Variants in USP25 observed in about 807,000 individuals in gnomAD.
The protein encoded by USP25 is ubiquitin carboxyl-terminal hydrolase 25.
Under a neutral mutation model 158.5 loss-of-function variants are expected in USP25, and 85 were observed. The observed-to-expected ratio is 0.54, with a 90% confidence interval of 0.45 to 0.64. The LOEUF is 0.64. Ranked by LOEUF, USP25 falls within the 30% of genes least tolerant of loss-of-function variation. The probability of loss-of-function intolerance (pLI) is 0.00; values close to 1 mark genes in which losing one functional copy is unlikely to be tolerated. For missense variants in USP25, 1,242 were observed against 1,327.3 expected (o/e 0.94, Z 1.00); for synonymous variants, 464 against 460.4 (o/e 1.01, Z -0.10).
At chr21:15,733,148 C>G (rs1050727569) in intron 1 of USP25, among the ~76,000 whole-genome samples, 2 of 52,472 alleles carry the variant, frequency 3.8e-5, no homozygotes, top group South Asian at 1.1e-3. Flanking sequence ...CCCCCCCCCC[C>G]AATCTATCTA....
rs536945169 is a variant in USP25, at chr21:15,802,098, T to C, written c.642+2255T>C. ...GACTGATGGCAAAGCATATTAAATG[T>C]TGAGAAAACAAAGATGCACATGTAT... On this transcript the variant is annotated intron_variant, in intron 6 of 25. Transcript: ENST00000400183. Among the ~76,000 whole-genome samples, 13 of 151,704 alleles carry C rather than the reference T, an allele frequency of 8.6e-5. No individual in the cohort carries two copies. In the South Asian group the frequency reaches 2.7e-3, roughly 32 times the overall value.
intron 1 of USP25, among the ~76,000 whole-genome samples, chr21:15,743,130 C>T (rs1258640181): frequency 6.6e-6 from 1 of 152,188 alleles, no homozygotes; most frequent in African/African-American, 2.4e-5. Context: ...ATTCCTGCTG[C>T]GCATGGCTTT....
chr21:15,747,529 T>G (rs1328865280), intron 1 of USP25, among the ~76,000 whole-genome samples: 1 of 152,100 alleles, frequency 6.6e-6, no homozygotes, highest in African/African-American at 2.4e-5. Context: ...AAGTTTAATT[T>G]ATAAATTAGG....
At chr21:15,836,479 A>AT (rs1268091773) in intron 17 of USP25, among the ~76,000 whole-genome samples, 3 of 152,240 alleles carry the variant, frequency 2.0e-5, no homozygotes, top group East Asian at 3.9e-4. Context: ...TTTTGTTGAG[A>AT]TTTTCAGCCA....
At chr21:15,877,076 C>T (rs923773464) in intron 24 of USP25, 1 of 152,054 alleles carries the variant, frequency 6.6e-6, no homozygotes, top group African/African-American at 2.4e-5. Context: ...GAAACATAGC[C>T]ATGCACATTC....
chr21:15,749,248 T>C (rs377075665), intron 1 of USP25, among the ~76,000 whole-genome samples: 4 of 152,250 alleles, frequency 2.6e-5, no homozygotes, highest in East Asian at 1.9e-4. Flanking sequence ...TGACATACTA[T>C]GCAGCGTGAT....
rs1241768260 is a variant in USP25 at position 15,745,330 on chromosome 21, G to A, written c.45+14892G>A. ...TTTGGTTGTCTTTTATCATGTATAT[G>A]TAATTACAAATACTTTCTCCCAATG... On this transcript the variant is annotated intron_variant, in intron 1 of 25. Coordinates refer to ENST00000400183, the MANE Select transcript of USP25 (RefSeq NM_001283041.3). Among the ~76,000 whole-genome samples, 6 of 152,248 alleles carry A rather than the reference G, an allele frequency of 3.9e-5. No homozygotes were observed. The East Asian group carries it at 1.2e-3, about 29-fold the overall frequency.
chr21:15,743,245 A>T (rs1365085200), intron 1 of USP25, among the ~76,000 whole-genome samples: 1 of 152,192 alleles, frequency 6.6e-6, no homozygotes, highest in African/African-American at 2.4e-5. Flanking sequence ...GGGAGTGTGT[A>T]ACAGCTCTTT....
chr21:15,816,112 G>T lies in USP25; in HGVS notation c.932-2586G>T, dbSNP rs908616805. ...CCCACATGTTGTGGGAGGGACCCAG[G>T]CGGAGGTAACTGAATCATGGTGGGG... On this transcript the variant is annotated intron_variant, in intron 9 of 25. Coordinates refer to ENST00000400183, the MANE Select transcript of USP25 (RefSeq NM_001283041.3). The surrounding 1 kb of genome is among the most constrained non-coding windows in gnomAD (Gnocchi z 4.0). Among the ~76,000 whole-genome samples, 1 of 152,154 alleles carries T rather than the reference G, an allele frequency of 6.6e-6. No individual in the cohort carries two copies. The highest frequency in any genetic ancestry group is 2.4e-5 in the African/African-American group (1 of 41,434).
chr21:15,830,596 A>T lies in USP25; in HGVS notation c.1759A>T (p.Ile587Leu), dbSNP rs1383783681. 6.3e-7 allele frequency: 1 copy of T among 1,590,438 alleles called. No individual in the cohort carries two copies. Among genetic ancestry groups the T allele is most frequent in the South Asian group, 1.2e-5 (1 of 85,458 alleles). ...IELMYSDKSMIQVPYRLHAVL... is the reference protein window; with the variant it reads ...IELMYSDKSMLQVPYRLHAVL... Reference sequence around the variant, plus strand: ...ATTAATGTACTCTGACAAATCTATGATACAAGTAAGTGAAATTTTGAGCTA... The same window carrying T: ...ATTAATGTACTCTGACAAATCTATGTTACAAGTAAGTGAAATTTTGAGCTA... Residue 587 changes from isoleucine to leucine, a missense_variant, in exon 15 of 26, where the codon ATA becomes TTA. By Grantham distance (5) the Ile-to-Leu change is conservative. Coordinates refer to ENST00000400183, the MANE Select transcript of USP25 (RefSeq NM_001283041.3).
chr21:15,853,658 T>G (rs1363229096), intron 20 of USP25, among the ~76,000 whole-genome samples: 1 of 152,246 alleles, frequency 6.6e-6, no homozygotes, highest in Non-Finnish European at 1.5e-5. Flanking sequence ...GCTTACTGTT[T>G]AACTCATTAG....
chr21:15,784,840 G>T (rs370802823), intron 4 of USP25, among the ~76,000 whole-genome samples: 1 of 151,736 alleles, frequency 6.6e-6, no homozygotes, highest in South Asian at 2.1e-4. Flanking sequence ...AAGAGGGAAA[G>T]AATCAAACGA....
At chr21:15,767,408 A>G (rs1464627438) in intron 3 of USP25, among the ~76,000 whole-genome samples, 1 of 152,126 alleles carries the variant, frequency 6.6e-6, no homozygotes, top group Admixed American at 6.6e-5. Flanking sequence ...GTGTTTCTCC[A>G]GCATCCAGGG....
chr21:15,793,035 AG>A (rs1167553111), intron 5 of USP25, among the ~76,000 whole-genome samples: 8 of 151,636 alleles, frequency 5.3e-5, no homozygotes, highest in Non-Finnish European at 1.2e-4. Flanking sequence ...TCTATTAAGA[AG>A]GTTTGTGCAT....
At position 15,846,149 on chromosome 21, in the gene USP25, TATATA is replaced by T. The variant is rs1419651199; in HGVS notation, c.2338-1513_2338-1509del. On this transcript the variant is annotated intron_variant, in intron 18 of 25. Coordinates refer to ENST00000400183, the MANE Select transcript of USP25 (RefSeq NM_001283041.3). ...ATATATATATATATATATATATATA[TATATA>T]TATATTTTTTTTTTTTTTTTTTTTT... Among the ~76,000 whole-genome samples the T allele has an allele frequency of 1.7e-3, 120 of 69,778 alleles. 5 individuals are homozygous for T. The highest frequency in any genetic ancestry group is 0.011 in the African/African-American group (114 of 10,482). The allele number at this position is 69,778 out of a possible 152,430, so 45.8% of individuals were successfully genotyped here.
intron 5 of USP25, among the ~76,000 whole-genome samples, chr21:15,795,395 CATGTTTGTTATGGTCTTAATA>C (rs1424314236): frequency 1.3e-5 from 2 of 151,632 alleles, no homozygotes; most frequent in Admixed American, 1.3e-4. Flanking sequence ...AATGCTTCAA[CATGTTTGTTATGGTCTTAATA>C]ATATATTCTG....
intron 20 of USP25, among the ~76,000 whole-genome samples, chr21:15,859,199 G>GTT (rs35441856): frequency 1.5e-4 from 21 of 142,666 alleles, no homozygotes; most frequent in Non-Finnish European, 2.5e-4. Flanking sequence ...TTTGTTTTGT[G>GTT]TTTTTTTTTT....
At chr21:15,800,912 T>C (rs562663908) in intron 6 of USP25, among the ~76,000 whole-genome samples, 1 of 151,684 alleles carries the variant, frequency 6.6e-6, no homozygotes, top group South Asian at 2.1e-4. Flanking sequence ...CTCTGGGCTG[T>C]AGAGTGTCAG....
At chr21:15,832,578 A>G (rs979513015) in intron 16 of USP25, among the ~76,000 whole-genome samples, 4 of 152,168 alleles carry the variant, frequency 2.6e-5, no homozygotes, top group African/African-American at 9.7e-5. Flanking sequence ...TATGACAAAC[A>G]ATTTTCATTT....
Sources: allele counts gnomAD v4.1 joint callset (sites outside exome capture counted in the v4.1 genomes callset), GRCh38; gene constraint gnomAD v4.1.1; non-coding constraint Gnocchi (gnomAD v3.1); transcripts MANE v1.5; gene names NCBI Gene and HGNC (gene_info 2026-07-23, HGNC 2026-07-21).